The following PTPRT variants were observed in gnomAD, a reference collection of about 807,000 sequenced individuals.
PTPRT encodes the protein protein tyrosine phosphatase receptor type T.
In PTPRT, 56 loss-of-function variants were observed where a neutral mutation model predicts 176.8. The ratio of observed to expected loss-of-function variants is 0.32; its 90% confidence interval spans 0.26 to 0.40. The LOEUF (loss-of-function observed/expected upper bound fraction) is 0.40, where lower values mean the gene tolerates loss of function less well. Ranked by LOEUF, PTPRT falls within the 10% of genes least tolerant of loss-of-function variation. The pLI is 1.00. For missense variants in PTPRT, 1,540 were observed against 1,908.2 expected, an observed-to-expected ratio of 0.81 and a Z score of 3.60; for synonymous variants, 783 against 739.0, an observed-to-expected ratio of 1.06 and a Z score of -0.96.
At chr20:43,185,401 A>C (rs991794640) in intron 1 of PTPRT, among the ~76,000 whole-genome samples, 2 of 152,232 alleles carry the variant, frequency 1.3e-5, no homozygotes, top group African/African-American at 4.8e-5. Flanking sequence ...GGAAGGCTGC[A>C]CACGGGAGAG....
At chr20:42,480,036 C>T (rs575038616) in intron 7 of PTPRT, among the ~76,000 whole-genome samples, 49 of 152,138 alleles carry the variant, frequency 3.2e-4, no homozygotes, top group Non-Finnish European at 6.2e-4. Context: ...TGCTACCCTC[C>T]CATAGCAATG....
At chr20:42,698,007 G>A (rs1372244994) in intron 6 of PTPRT, among the ~76,000 whole-genome samples, 1 of 152,170 alleles carries the variant, frequency 6.6e-6, no homozygotes, top group South Asian at 2.1e-4. Flanking sequence ...TTTAAAAAAA[G>A]AATTGATCTC....
At chr20:43,117,906 CCTTTTGTAACTAGATAGCAT>C (rs2013117825) in intron 1 of PTPRT, among the ~76,000 whole-genome samples, 1 of 152,146 alleles carries the variant, frequency 6.6e-6, no homozygotes, top group Non-Finnish European at 1.5e-5. Context: ...TCTTCTTGTT[CCTTTTGTAACTAGATAGCAT>C]CGACATTCAG....
Position 42,700,485 on chromosome 20 carries a change from T to C in PTPRT, c.860-22326A>G, listed in dbSNP as rs75060992. ...AAAAAAATGTGTTCTCACTTAAGAA[T>C]GCTAATGGCCCATGCACAGAAATAA... On this transcript the variant is annotated intron_variant, in intron 6 of 30. Coordinates refer to ENST00000373187, the MANE Select transcript of PTPRT (RefSeq NM_007050.6). 9.0e-3 allele frequency among the ~76,000 whole-genome samples: 1,366 copies of C among 152,330 alleles called. 24 individuals carry two copies. The highest frequency in any genetic ancestry group is 0.032 in the African/African-American group (1,315 of 41,578).
At chr20:42,520,998 A>G (rs1373619616) in intron 7 of PTPRT, among the ~76,000 whole-genome samples, 1 of 147,826 alleles carries the variant, frequency 6.8e-6, no homozygotes, top group African/African-American at 2.6e-5. Context: ...CTGTCTGTCT[A>G]TCTATCTATC....
chr20:42,266,778 A>G (rs1198949365), intron 13 of PTPRT, among the ~76,000 whole-genome samples: 5 of 152,072 alleles, frequency 3.3e-5, no homozygotes, highest in East Asian at 1.9e-4. Flanking sequence ...CTATTCACCA[A>G]CTAGGGACAA....
At chr20:43,065,827 TAC>T (rs1480846697) in intron 1 of PTPRT, among the ~76,000 whole-genome samples, 2 of 152,188 alleles carry the variant, frequency 1.3e-5, no homozygotes, top group Non-Finnish European at 2.9e-5. Flanking sequence ...TCTGGTTTCC[TAC>T]AGAGTCAAAG....
intron 1 of PTPRT, among the ~76,000 whole-genome samples, chr20:43,155,258 C>A (rs2014484108): frequency 6.6e-6 from 1 of 152,068 alleles, no homozygotes; most frequent in African/African-American, 2.4e-5. Flanking sequence ...CCATGTTAGC[C>A]AAGATACAAA....
At chr20:42,467,326 G>A (rs1601079647) in intron 8 of PTPRT, among the ~76,000 whole-genome samples, 1 of 152,098 alleles carries the variant, frequency 6.6e-6, no homozygotes, top group Non-Finnish European at 1.5e-5. Context: ...TGGAGGGACC[G>A]GGCAGTTCTT....
chr20:42,941,821 T>C (rs1980572503), intron 1 of PTPRT, among the ~76,000 whole-genome samples: 1 of 152,194 alleles, frequency 6.6e-6, no homozygotes, highest in African/African-American at 2.4e-5. Context: ...TAGAAAATTA[T>C]GCTGATGTCA....
intron 19 of PTPRT, among the ~76,000 whole-genome samples, chr20:42,127,956 T>A (rs1203971266): frequency 6.6e-6 from 1 of 152,324 alleles, no homozygotes; most frequent in Non-Finnish European, 1.5e-5. Context: ...ACCTCCTTGA[T>A]AAAAAATTTT....
chr20:43,086,745 T>C (rs541239874), intron 1 of PTPRT, among the ~76,000 whole-genome samples: 2 of 152,334 alleles, frequency 1.3e-5, no homozygotes, highest in African/African-American at 4.8e-5. Flanking sequence ...TACAAAGTTA[T>C]TGAATAAAAC....
At chr20:42,869,067 C>T (rs1160977896) in intron 2 of PTPRT, among the ~76,000 whole-genome samples, 1 of 152,168 alleles carries the variant, frequency 6.6e-6, no homozygotes, top group Admixed American at 6.5e-5. Flanking sequence ...CTACCTCCAC[C>T]CAGATTTCAA....
At chr20:42,515,998 A>G (rs556244606) in intron 7 of PTPRT, among the ~76,000 whole-genome samples, 119 of 147,864 alleles carry the variant, frequency 8.0e-4, no homozygotes, top group Non-Finnish European at 7.9e-4. Flanking sequence ...GTAAACTATC[A>G]CAAGAACAAA....
intron 7 of PTPRT, among the ~76,000 whole-genome samples, chr20:42,558,553 C>T (rs1346202512): frequency 6.6e-6 from 1 of 151,998 alleles, no homozygotes; most frequent in Non-Finnish European, 1.5e-5. Flanking sequence ...AAAAAGTAAT[C>T]TCATATACTG....
At chr20:43,160,328 T>A (rs2014657132) in intron 1 of PTPRT, among the ~76,000 whole-genome samples, 1 of 152,206 alleles carries the variant, frequency 6.6e-6, no homozygotes, top group Admixed American at 6.5e-5. Context: ...GACACACAAA[T>A]AAGTCCAGTT....
At chr20:42,104,479 G>T in intron 25 of PTPRT, 90 bp downstream of exon 25, 1 of 1,385,612 alleles carries the variant, frequency 7.2e-7, no homozygotes. Context: ...ATGAATAAGT[G>T]TCTGTCATTT....
At chr20:42,934,930 A>T (rs903783406) in intron 1 of PTPRT, among the ~76,000 whole-genome samples, 1 of 151,818 alleles carries the variant, frequency 6.6e-6, no homozygotes, top group Non-Finnish European at 1.5e-5. Context: ...AAGAAAAAAA[A>T]ATCTGGGCAT....
intron 15 of PTPRT, among the ~76,000 whole-genome samples, chr20:42,215,575 C>T (rs6102732): frequency 0.041 from 5,972 of 145,490 alleles, 378 homozygotes; most frequent in African/African-American, 0.14. Context: ...GGTGACTAAT[C>T]TTTCCTCCCT....
Sources: allele counts gnomAD v4.1 joint callset (sites outside exome capture counted in the v4.1 genomes callset), GRCh38; gene constraint gnomAD v4.1.1; transcripts MANE v1.5; gene names NCBI Gene and HGNC (gene_info 2026-07-23, HGNC 2026-07-21).